LRP12: variants seen among roughly 807,000 people sequenced by gnomAD.
LRP12 encodes the protein low-density lipoprotein receptor-related protein 12.
In LRP12, 14 loss-of-function variants were observed where a neutral mutation model predicts 66.0. That is an observed-to-expected ratio of 0.21 (90% CI 0.14 to 0.33). LRP12 has a LOEUF of 0.33. LRP12 is among the 10% of genes least tolerant of loss of function. LRP12 has a pLI of 1.00. For synonymous variants in LRP12, 357 were observed against 359.1 expected, an observed-to-expected ratio of 0.99 and a Z score of 0.07; for missense variants, 889 against 1,053.4, an observed-to-expected ratio of 0.84 and a Z score of 2.16.
intron 1 of LRP12, among the ~76,000 whole-genome samples, chr8:104,579,142 T>A (rs1370919446): frequency 6.6e-6 from 1 of 152,044 alleles, no homozygotes. Context: ...TGTCAAATTA[T>A]CCCTGTTTGC....
intron 2 of LRP12, among the ~76,000 whole-genome samples, chr8:104,525,429 T>C (rs1289585779): frequency 6.6e-6 from 1 of 152,034 alleles, no homozygotes; most frequent in Non-Finnish European, 1.5e-5. Context: ...AGGAAGAAGA[T>C]GGAAATAAAC....
At chr8:104,579,294 G>A (rs531533230) in intron 1 of LRP12, among the ~76,000 whole-genome samples, 22 of 152,108 alleles carry the variant, frequency 1.4e-4, no homozygotes, top group African/African-American at 5.3e-4. Flanking sequence ...CAACAGTCAA[G>A]CTGAAGCCAA....
At chr8:104,524,732 G>A (rs1407776915) in intron 2 of LRP12, among the ~76,000 whole-genome samples, 2 of 152,096 alleles carry the variant, frequency 1.3e-5, no homozygotes, top group African/African-American at 4.8e-5. Context: ...GTTAATGGGT[G>A]ATTTTCTTAA....
intron 1 of LRP12, among the ~76,000 whole-genome samples, chr8:104,572,802 T>C (rs1346548910): frequency 2.6e-5 from 4 of 152,178 alleles, no homozygotes; most frequent in African/African-American, 9.6e-5. Context: ...CCCAAAGGCA[T>C]CATGGACATA....
At chr8:104,548,283 TATATC>T (rs1300488092) in intron 1 of LRP12, among the ~76,000 whole-genome samples, 1 of 83,610 alleles carries the variant, frequency 1.2e-5, no homozygotes, top group African/African-American at 6.5e-5. Context: ...ATTATATTAA[TATATC>T]ATATATTTAT....
intron 2 of LRP12, among the ~76,000 whole-genome samples, chr8:104,524,241 C>CAAAAAA: frequency 2.1e-5 from 2 of 96,770 alleles, no homozygotes; most frequent in Non-Finnish European, 2.1e-5. Flanking sequence ...GACCCTGTCT[C>CAAAAAA]AAAAAAAAAA....
At chr8:104,494,447 C>A (rs1372137921) in intron 6 of LRP12, among the ~76,000 whole-genome samples, 1 of 152,088 alleles carries the variant, frequency 6.6e-6, no homozygotes, top group East Asian at 1.9e-4. Context: ...AATTATAATA[C>A]TGGAAACAAC....
intron 2 of LRP12, among the ~76,000 whole-genome samples, chr8:104,520,990 G>GCATA (rs1485708766): frequency 6.6e-6 from 1 of 152,026 alleles, no homozygotes; most frequent in Non-Finnish European, 1.5e-5. Context: ...TCTAAGCACT[G>GCATA]CATACCCTGT....
intron 1 of LRP12, among the ~76,000 whole-genome samples, chr8:104,587,256 C>A (rs1812348403): frequency 6.6e-6 from 1 of 152,182 alleles, no homozygotes; most frequent in African/African-American, 2.4e-5. Flanking sequence ...AAAGATACCT[C>A]TCAATTTCTT....
chr8:104,533,066 T>G (rs1811348818), intron 1 of LRP12, among the ~76,000 whole-genome samples: 1 of 152,228 alleles, frequency 6.6e-6, no homozygotes, highest in Non-Finnish European at 1.5e-5. Context: ...TTGGTTCAAC[T>G]ACAGTTATAC....
At chr8:104,526,178 A>G (rs1376538825) in intron 2 of LRP12, among the ~76,000 whole-genome samples, 1 of 151,924 alleles carries the variant, frequency 6.6e-6, no homozygotes, top group African/African-American at 2.4e-5. Context: ...AATGAAATAA[A>G]AGAGGATACA....
In LRP12 at chr8:104,531,897, A is replaced by T. The variant is rs1403500902; in HGVS notation, c.136+10T>A. ...TGCATGAAATTTAAACATTACAAAAAATGACTTACCAGTTGACACTCCTGA... is the reference window on the plus strand; with the variant it reads ...TGCATGAAATTTAAACATTACAAAATATGACTTACCAGTTGACACTCCTGA... On this transcript the variant is annotated intron_variant, in intron 2 of 6. Transcript: ENST00000276654. 2.6e-6 allele frequency: 4 copies of T among 1,566,480 alleles called. No homozygotes were observed. The Admixed American group carries it at 7.5e-5, about 29-fold the overall frequency.
At chr8:104,513,915 C>T (rs1382401333) in intron 2 of LRP12, among the ~76,000 whole-genome samples, 2 of 152,130 alleles carry the variant, frequency 1.3e-5, no homozygotes, top group Non-Finnish European at 2.9e-5. Flanking sequence ...ACATTCTAAC[C>T]TCAAATTCAA....
At chr8:104,541,037 A>G (rs1354389974) in intron 1 of LRP12, among the ~76,000 whole-genome samples, 8 of 152,144 alleles carry the variant, frequency 5.3e-5, no homozygotes, top group Non-Finnish European at 1.2e-4. Flanking sequence ...CGGCCAAACC[A>G]TATTCTTAAT....
Position 104,526,485 on chromosome 8 carries a change from T to C in LRP12, c.136+5422A>G, listed in dbSNP as rs1356872681. ...CATGGTACTGGTACCAAAACAGAGA[T>C]ATAGATCAATGGAACAGAACAGAGC... is the stretch of plus-strand genomic sequence containing the variant. On this transcript the variant is annotated intron_variant, in intron 2 of 6. Coordinates refer to ENST00000276654, the MANE Select transcript of LRP12 (RefSeq NM_013437.5). Among the ~76,000 whole-genome samples, 47 of 150,764 alleles carry C rather than the reference T, an allele frequency of 3.1e-4. 2 individuals are homozygous for C. The South Asian group carries it at 8.2e-3, about 26-fold the overall frequency.
chr8:104,552,377 T>TG (rs1811740859), intron 1 of LRP12, among the ~76,000 whole-genome samples: 2 of 146,480 alleles, frequency 1.4e-5, no homozygotes, highest in South Asian at 2.1e-4. Flanking sequence ...TTTTTGTTGT[T>TG]TTTTTTTTTT....
At chr8:104,559,660 CTT>C (rs1341006673) in intron 1 of LRP12, among the ~76,000 whole-genome samples, 1 of 151,942 alleles carries the variant, frequency 6.6e-6, no homozygotes, top group Non-Finnish European at 1.5e-5. Flanking sequence ...GAAAGGACCT[CTT>C]AACAATATTG....
chr8:104,501,703 C>CA (rs35580913), intron 3 of LRP12, among the ~76,000 whole-genome samples: 3,773 of 118,632 alleles, frequency 0.032, 115 homozygotes, highest in East Asian at 0.14. Flanking sequence ...GACTCCACCT[C>CA]AAAAAAAAAA....
chr8:104,515,480 G>C (rs1811061487), intron 2 of LRP12, among the ~76,000 whole-genome samples: 1 of 152,090 alleles, frequency 6.6e-6, no homozygotes, highest in Admixed American at 6.6e-5. Context: ...TGCAAAATGT[G>C]GTTACTTTTT....
Sources: allele counts gnomAD v4.1 joint callset (sites outside exome capture counted in the v4.1 genomes callset), GRCh38; gene constraint gnomAD v4.1.1; transcripts MANE v1.5; gene names NCBI Gene and HGNC (gene_info 2026-07-23, HGNC 2026-07-21).